The following RBMS3 variants were observed in gnomAD, a reference collection of about 807,000 sequenced individuals.
The protein encoded by RBMS3 is RNA-binding motif, single-stranded-interacting protein 3.
A neutral mutation model predicts 66.8 loss-of-function variants in RBMS3; 27 were observed. That is an observed-to-expected ratio of 0.40 (90% CI 0.30 to 0.56). The LOEUF (loss-of-function observed/expected upper bound fraction) is 0.56, where lower values mean the gene tolerates loss of function less well. RBMS3 is among the 20% of genes least tolerant of loss of function. The pLI is 0.40. For synonymous variants in RBMS3, 188 were observed against 183.0 expected (o/e 1.03, Z -0.22); for missense variants, 513 against 549.5 (o/e 0.93, Z 0.66).
At chr3:29,973,954 G>C (rs1372637983) in intron 12 of RBMS3, among the ~76,000 whole-genome samples, 2 of 151,766 alleles carry the variant, frequency 1.3e-5, no homozygotes, top group Non-Finnish European at 2.9e-5. Context: ...GTAAAAGATA[G>C]TAATCACTGT....
intron 6 of RBMS3, among the ~76,000 whole-genome samples, chr3:29,834,060 A>T (rs1432096779): frequency 6.6e-6 from 1 of 152,110 alleles, no homozygotes; most frequent in Non-Finnish European, 1.5e-5. Context: ...CTGGAAAAAA[A>T]TTACAAAACA....
chr3:29,444,423 G>A (rs1444867668), intron 2 of RBMS3, among the ~76,000 whole-genome samples: 1 of 152,028 alleles, frequency 6.6e-6, no homozygotes, highest in Non-Finnish European at 1.5e-5. Flanking sequence ...TAGGGAGTGT[G>A]TATAACAATA....
In RBMS3 at chr3:29,587,144, C is replaced by T. The variant is rs964182086; in HGVS notation, c.338C>T (p.Ala113Val). ...GYGFVDFDSP[A>V]AAQKAVASLK... is the part of the protein sequence containing the mutation. ...GGTTTTGTAGATTTTGACAGTCCTG[C>T]AGCCGCACAGAAAGCGGTAGCATCT... is the stretch of plus-strand genomic sequence containing the variant. The change falls in exon 4 of 15, where the codon GCA becomes GTA. Residue 113 changes from alanine (A) to valine (V), a missense_variant. Physicochemically the swap from Ala to Val is moderately conservative, Grantham distance 64. Coordinates refer to ENST00000383767, the MANE Select transcript of RBMS3 (RefSeq NM_001003793.3). 1.2e-6 allele frequency: 2 copies of T among 1,610,148 alleles called. No individual in the cohort carries two copies. Among genetic ancestry groups the T allele is most frequent in the African/African-American group, 2.7e-5 (2 of 74,274 alleles).
intron 9 of RBMS3, among the ~76,000 whole-genome samples, chr3:29,899,483 G>A (rs559039344): frequency 3.3e-5 from 5 of 151,844 alleles, no homozygotes; most frequent in African/African-American, 1.2e-4. Flanking sequence ...GGGCACTGAA[G>A]TCAGCTCCAC....
At chr3:29,405,320 T>C (rs2039973448) in intron 1 of RBMS3, among the ~76,000 whole-genome samples, 1 of 152,208 alleles carries the variant, frequency 6.6e-6, no homozygotes, top group Admixed American at 6.5e-5. Context: ...AGGCTTTGTC[T>C]ATAATCCTGT....
At chr3:29,996,041 C>A (rs1699206560) in intron 14 of RBMS3, among the ~76,000 whole-genome samples, 1 of 152,122 alleles carries the variant, frequency 6.6e-6, no homozygotes. Context: ...TGCAGAGACA[C>A]ACATAGGCTC....
chr3:29,605,346 GA>G (rs374220737), intron 4 of RBMS3, among the ~76,000 whole-genome samples: 10 of 152,006 alleles, frequency 6.6e-5, no homozygotes, highest in African/African-American at 2.4e-4. Flanking sequence ...AATTCCTCAT[GA>G]AATGTTGTAC....
At chr3:29,331,815 C>CTTTTTTTTTTTTT (rs11354452) in intron 1 of RBMS3, among the ~76,000 whole-genome samples, 18 of 69,680 alleles carry the variant, frequency 2.6e-4, no homozygotes, top group Admixed American at 4.0e-4. Context: ...AGGATAGCTC[C>CTTTTTTTTTTTTT]TTTTTTTTTT....
chr3:29,960,575 T>A (rs978101823), intron 12 of RBMS3, among the ~76,000 whole-genome samples: 1 of 152,218 alleles, frequency 6.6e-6, no homozygotes, highest in Non-Finnish European at 1.5e-5. Flanking sequence ...CCTTCCACAC[T>A]GCCCTAGCAG....
At chr3:29,879,166 CAG>C (rs2059681096) in intron 7 of RBMS3, among the ~76,000 whole-genome samples, 1 of 152,002 alleles carries the variant, frequency 6.6e-6, no homozygotes, top group Non-Finnish European at 1.5e-5. Flanking sequence ...TATTTCCAGT[CAG>C]AGATATTTAA....
chr3:29,646,311 G>A (rs73048501), intron 4 of RBMS3, among the ~76,000 whole-genome samples: 18,181 of 152,120 alleles, frequency 0.12, 1,168 homozygotes, highest in Middle Eastern at 0.21. Flanking sequence ...TGTCTACATT[G>A]GCTTAGAGGC....
At chr3:29,939,305 A>G (rs1413588235) in intron 11 of RBMS3, among the ~76,000 whole-genome samples, 1 of 151,982 alleles carries the variant, frequency 6.6e-6, no homozygotes, top group Non-Finnish European at 1.5e-5. Context: ...ATATAAACAT[A>G]TATGACATTG....
chr3:29,532,994 C>T (rs375014778), intron 3 of RBMS3, among the ~76,000 whole-genome samples: 93 of 152,106 alleles, frequency 6.1e-4, no homozygotes, highest in African/African-American at 2.2e-3. Flanking sequence ...TAGGTACTGC[C>T]TTAAAAGTTT....
At chr3:29,582,542 T>A (rs1015885740) in intron 3 of RBMS3, among the ~76,000 whole-genome samples, 4 of 152,190 alleles carry the variant, frequency 2.6e-5, no homozygotes, top group Non-Finnish European at 5.9e-5. Context: ...CGGGTGGGCT[T>A]ACAGCCACTT....
At chr3:29,463,497 C>A (rs911957660) in intron 2 of RBMS3, among the ~76,000 whole-genome samples, 4 of 151,974 alleles carry the variant, frequency 2.6e-5, no homozygotes, top group African/African-American at 9.7e-5. Flanking sequence ...CCATTGCTCC[C>A]TTTCCAGCCA....
At chr3:29,906,577 T>G (rs1396713532) in intron 10 of RBMS3, among the ~76,000 whole-genome samples, 1 of 152,134 alleles carries the variant, frequency 6.6e-6, no homozygotes, top group African/African-American at 2.4e-5. Flanking sequence ...TATAAAAATT[T>G]TATTATATTT....
intron 6 of RBMS3, 88 bp downstream of exon 6, chr3:29,763,077 C>T (rs1024466515): frequency 6.7e-6 from 6 of 891,750 alleles, no homozygotes; most frequent in African/African-American, 5.1e-5. Flanking sequence ...CCTTGTTGAT[C>T]ACTGCAGAGT....
At chr3:29,884,475 C>CG (rs2059821404) in intron 8 of RBMS3, among the ~76,000 whole-genome samples, 3 of 100,472 alleles carry the variant, frequency 3.0e-5, no homozygotes, top group Admixed American at 1.0e-4. Context: ...TCTCTCCCCC[C>CG]CCGCTCCCTC....
intron 6 of RBMS3, among the ~76,000 whole-genome samples, chr3:29,834,963 A>G (rs1021523131): frequency 1.3e-5 from 2 of 152,002 alleles, no homozygotes; most frequent in Admixed American, 1.3e-4. Flanking sequence ...GCAAGCTGAA[A>G]CCAAAAAGAG....
Sources: gnomAD v4.1 joint callset for allele counts (sites outside exome capture counted in the v4.1 genomes callset) on GRCh38, gnomAD v4.1.1 for gene constraint, MANE v1.5 for transcripts, NCBI Gene and HGNC (gene_info 2026-07-23, HGNC 2026-07-21) for gene names.